Variants in KRAS observed in about 807,000 individuals in gnomAD.
The protein encoded by KRAS is KRas proto-oncogene, GTPase.
A neutral mutation model predicts 21.0 loss-of-function variants in KRAS; 1 was observed. That is an observed-to-expected ratio of 0.05 (90% CI 0.02 to 0.23). The LOEUF (loss-of-function observed/expected upper bound fraction) is 0.23. Among genes scored for constraint, KRAS ranks in the 10% least tolerant of loss-of-function variants. The pLI is 1.00. For synonymous variants in KRAS, 67 were observed against 72.5 expected (o/e 0.92, Z 0.39); for missense variants, 107 against 221.8 (o/e 0.48, Z 3.29).
chr12:25,248,026 C>A (rs1313670612), intron 1 of KRAS, among the ~76,000 whole-genome samples: 1 of 151,544 alleles, frequency 6.6e-6, no homozygotes, highest in Admixed American at 6.6e-5. Flanking sequence ...TTTTTTAATC[C>A]TGGATTTTTT....
At chr12:25,222,710 A>G (rs1389835200) in intron 4 of KRAS, among the ~76,000 whole-genome samples, 1 of 152,200 alleles carries the variant, frequency 6.6e-6, no homozygotes, top group Admixed American at 6.5e-5. Flanking sequence ...CAAGGCCACA[A>G]AACTGTATAA....
rs570022538 is a variant in KRAS, at chr12:25,232,368, T to C, written c.112-4956A>G. 1.1e-4 allele frequency among the ~76,000 whole-genome samples: 17 copies of C among 152,310 alleles called. 1 individual carries two copies. The highest frequency in any genetic ancestry group is 4.1e-4 in the African/African-American group (17 of 41,556). On this transcript the variant is annotated intron_variant, in intron 2 of 4. Coordinates refer to ENST00000311936, the MANE Select transcript of KRAS (RefSeq NM_004985.5). Reference sequence around the variant, plus strand: ...CCCATATGGCCCTTTATAGAAAAGTTTGCCAACTCCTGCTGTAAGTTAATA... The same window carrying C: ...CCCATATGGCCCTTTATAGAAAAGTCTGCCAACTCCTGCTGTAAGTTAATA...
At chr12:25,239,862 A>G (rs1413690400) in intron 2 of KRAS, among the ~76,000 whole-genome samples, 1 of 152,090 alleles carries the variant, frequency 6.6e-6, no homozygotes, top group Non-Finnish European at 1.5e-5. Flanking sequence ...CTGAGGCAGG[A>G]GAATGGCTGG....
Position 25,207,430 on chromosome 12 carries a change from C to G in KRAS, c.*2365G>C, listed in dbSNP as rs1168869390. The G allele has an allele frequency of 4.2e-5, 8 of 188,666 alleles. No homozygotes were observed. The highest frequency in any genetic ancestry group is 1.2e-4 in the Admixed American group (2 of 16,146). The allele number at this position is 188,666 out of a possible 1,614,324, so 11.7% of individuals were successfully genotyped here. A position where few individuals can be genotyped will look rare whatever the true frequency, so the allele number is the denominator to read the frequency against. Reference sequence around the variant, plus strand: ...TCAGGAGGCCGAGGCACGAGAATCGCTTGAACCTGGGAGATGGAGGTTGCA... The same window carrying G: ...TCAGGAGGCCGAGGCACGAGAATCGGTTGAACCTGGGAGATGGAGGTTGCA... On this transcript the variant is annotated 3_prime_UTR_variant, in exon 5 of 5. Coordinates refer to ENST00000311936, the MANE Select transcript of KRAS (RefSeq NM_004985.5).
Position 25,227,368 on chromosome 12 carries a change from G to A in KRAS, c.156C>T (p.Leu52=), listed in dbSNP as rs1425789869. 2.5e-6 allele frequency: 4 copies of A among 1,613,930 alleles called. No homozygotes were observed. Among genetic ancestry groups the A allele is most frequent in the Non-Finnish European group, 3.4e-6 (4 of 1,179,998 alleles). Residue 52 remains leucine (L), a synonymous_variant, in exon 3 of 5, where the codon CTC becomes CTT. Coordinates refer to ENST00000311936, the MANE Select transcript of KRAS (RefSeq NM_004985.5). The part of the protein sequence containing the change: ...KQVVIDGETC[L]LDILDTAGQE... Reference sequence around the variant, plus strand: ...GACCTGCTGTGTCGAGAATATCCAAGAGACAGGTTTCTCCATCAATTACTA... The same window carrying A: ...GACCTGCTGTGTCGAGAATATCCAAAAGACAGGTTTCTCCATCAATTACTA...
At chr12:25,221,837 T>G (rs1270843965) in intron 4 of KRAS, among the ~76,000 whole-genome samples, 2 of 152,128 alleles carry the variant, frequency 1.3e-5, no homozygotes, top group African/African-American at 4.8e-5. Context: ...AACAAGGATA[T>G]GCACACTAAT....
At position 25,208,157 on chromosome 12, in the gene KRAS, T is replaced by C. The variant is rs4597149; in HGVS notation, c.*1638A>G. On this transcript the variant is annotated 3_prime_UTR_variant, in exon 5 of 5. Coordinates refer to ENST00000311936, the MANE Select transcript of KRAS (RefSeq NM_004985.5). ...ATCCTTATGTAAATGGAATATAAAT[T>C]ACATAGTTGTAAAAAAAAAAAACTA... The C allele has an allele frequency of 1, 232,252 of 233,072 alleles. 115,716 individuals are homozygous for C. Among genetic ancestry groups the C allele is most frequent in the Middle Eastern group, 1 (784 of 784 alleles). 14.4% of individuals were successfully genotyped at this position (233,072 alleles called of 1,614,324 possible).
At chr12:25,236,758 T>C (rs1452322212) in intron 2 of KRAS, among the ~76,000 whole-genome samples, 1 of 151,930 alleles carries the variant, frequency 6.6e-6, no homozygotes, top group Non-Finnish European at 1.5e-5. Context: ...CCGAAAAGAT[T>C]AAATAGATTT....
At chr12:25,247,738 A>G (rs1415274036) in intron 1 of KRAS, among the ~76,000 whole-genome samples, 2 of 152,206 alleles carry the variant, frequency 1.3e-5, no homozygotes, top group South Asian at 2.1e-4. Context: ...TTCTTTCACA[A>G]GTTTTCCAGA....
At chr12:25,234,391 CAT>C (rs1446736404) in intron 2 of KRAS, 4 of 181,398 alleles carry the variant, frequency 2.2e-5, no homozygotes, top group Middle Eastern at 2.1e-3. Context: ...TTGGTACACA[CAT>C]GAGGTTCATT....
intron 2 of KRAS, among the ~76,000 whole-genome samples, chr12:25,238,446 C>A (rs1409356299): frequency 6.6e-6 from 1 of 152,132 alleles, no homozygotes; most frequent in Non-Finnish European, 1.5e-5. Context: ...GCCTTAATAG[C>A]AATTTCCTTA....
chr12:25,247,784 A>G (rs1292347454), intron 1 of KRAS, among the ~76,000 whole-genome samples: 2 of 152,244 alleles, frequency 1.3e-5, no homozygotes, highest in Admixed American at 6.5e-5. Context: ...AGATGCAGAT[A>G]TAAGAATCCA....
At position 25,209,822 on chromosome 12, in the gene KRAS, C is replaced by G. The variant is rs762532538; in HGVS notation, c.540G>C (p.Lys180Asn). 1 of 1,608,858 alleles carries G rather than the reference C, an allele frequency of 6.2e-7. No homozygotes were observed. Among genetic ancestry groups the G allele is most frequent in the East Asian group, 2.2e-5 (1 of 44,694 alleles). Residue 180 changes from lysine (K) to asparagine (N), a missense_variant, in exon 5 of 5, where the codon AAG (lysine) becomes AAC (asparagine). Coordinates refer to ENST00000311936, the MANE Select transcript of KRAS (RefSeq NM_004985.5). ...MSKDGKKKKK[K>N]SKTKCVIM ...ACATAATTACACACTTTGTCTTTGACTTCTTTTTCTTCTTTTTACCATCTT... is the reference window on the plus strand; with the variant it reads ...ACATAATTACACACTTTGTCTTTGAGTTCTTTTTCTTCTTTTTACCATCTT...
chr12:25,250,473 A>T (rs1335616360), intron 1 of KRAS, among the ~76,000 whole-genome samples: 2 of 151,932 alleles, frequency 1.3e-5, no homozygotes, highest in Admixed American at 1.3e-4. Flanking sequence ...AGGAGGAAGG[A>T]AGGGGTTCCC....
rs527326817 is a variant in KRAS, at chr12:25,250,906, T to G, written c.-167A>C. 5.7e-5 allele frequency: 14 copies of G among 246,040 alleles called. No individual in the cohort carries two copies. Among genetic ancestry groups the G allele is most frequent in the Non-Finnish European group, 7.7e-5 (10 of 130,596 alleles). The allele number at this position is 246,040 out of a possible 1,614,324, so 15.2% of individuals were successfully genotyped here. ...CGCCACTGCCGCCGCCGCTGCTGCC[T>G]CCGCCGCCGCGGCCGCCGCCTAGGA... On this transcript the variant is annotated 5_prime_UTR_variant, in exon 1 of 5. Coordinates refer to ENST00000311936, the MANE Select transcript of KRAS (RefSeq NM_004985.5).
chr12:25,210,120 A>G (rs1951187337), intron 4 of KRAS, among the ~76,000 whole-genome samples: 1 of 152,224 alleles, frequency 6.6e-6, no homozygotes, highest in Non-Finnish European at 1.5e-5. Flanking sequence ...CAGGAACACT[A>G]ATTTTCACAA....
At chr12:25,238,416 C>A (rs1203890960) in intron 2 of KRAS, among the ~76,000 whole-genome samples, 1 of 152,098 alleles carries the variant, frequency 6.6e-6, no homozygotes, top group Non-Finnish European at 1.5e-5. Flanking sequence ...ATATTATATA[C>A]CTCTCATATT....
chr12:25,214,386 A>G (rs896174568), intron 4 of KRAS, among the ~76,000 whole-genome samples: 1 of 63,580 alleles, frequency 1.6e-5, no homozygotes, highest in African/African-American at 5.9e-5. Context: ...AGCTAAAATG[A>G]CTTTTTTTTT....
chr12:25,213,588 G>A (rs946317429), intron 4 of KRAS, among the ~76,000 whole-genome samples: 4 of 152,116 alleles, frequency 2.6e-5, no homozygotes, highest in Non-Finnish European at 4.4e-5. Flanking sequence ...TCTGAGTTTA[G>A]TAGATTAGTA....
Sources: gnomAD v4.1 joint callset for allele counts (sites outside exome capture counted in the v4.1 genomes callset) on GRCh38, gnomAD v4.1.1 for gene constraint, MANE v1.5 for transcripts, NCBI Gene and HGNC (gene_info 2026-07-23, HGNC 2026-07-21) for gene names.